NOX4: variants seen among roughly 807,000 people sequenced by gnomAD.
NOX4 encodes kidney oxidase-1.
In NOX4, 69 loss-of-function variants were observed where a neutral mutation model predicts 87.6. The observed-to-expected ratio is 0.79, with a 90% confidence interval of 0.65 to 0.96. The LOEUF (loss-of-function observed/expected upper bound fraction) is 0.96. Among genes scored for constraint, NOX4 ranks in the 40% least tolerant of loss-of-function variants. The probability of loss-of-function intolerance (pLI) is 0.00; values close to 1 mark genes in which losing one functional copy is unlikely to be tolerated. For synonymous variants in NOX4, 275 were observed against 238.2 expected, an observed-to-expected ratio of 1.15 and a Z score of -1.42; for missense variants, 680 against 681.5, an observed-to-expected ratio of 1.00 and a Z score of 0.02.
At chr11:89,370,249 A>T (rs1939344336) in intron 12 of NOX4, among the ~76,000 whole-genome samples, 1 of 152,004 alleles carries the variant, frequency 6.6e-6, no homozygotes, top group Non-Finnish European at 1.5e-5. Context: ...TATACCCAAG[A>T]TTCATAGAAA....
At chr11:89,577,055 C>T in the NOX4 span, 1 of 151,930 alleles carries the variant, frequency 6.6e-6, no homozygotes, top group East Asian at 1.9e-4. Flanking sequence ...ATCCTTTTAC[C>T]TGTTAAGGGT....
At chr11:89,407,201 G>T (rs1591145347) in intron 8 of NOX4, among the ~76,000 whole-genome samples, 1 of 152,178 alleles carries the variant, frequency 6.6e-6, no homozygotes, top group South Asian at 2.1e-4. Flanking sequence ...AGCAAATCAT[G>T]TAGGAATCAA....
chr11:89,521,381 A>G, the NOX4 span, among the ~76,000 whole-genome samples: 102 of 152,170 alleles, frequency 6.7e-4, no homozygotes, highest in African/African-American at 2.3e-3. Flanking sequence ...AAAGCCACCC[A>G]CCTATAGCCA....
rs573102122 is a variant in NOX4 at position 89,357,734 on chromosome 11, T to A, written c.1136-2691A>T. 2.0e-5 allele frequency among the ~76,000 whole-genome samples: 3 copies of A among 152,278 alleles called. No individual in the cohort carries two copies. In the East Asian group the frequency reaches 5.8e-4, roughly 29 times the overall value. ...GTTTAGTGAATTTCTCCCAAACTTGTTAAAAGCAAACAAAATTCGGAATTC... is the reference window on the plus strand; with the variant it reads ...GTTTAGTGAATTTCTCCCAAACTTGATAAAAGCAAACAAAATTCGGAATTC... On this transcript the variant is annotated intron_variant, in intron 12 of 17. Transcript: ENST00000263317.
intron 11 of NOX4, among the ~76,000 whole-genome samples, chr11:89,392,036 C>A (rs1941170705): frequency 6.6e-6 from 1 of 151,222 alleles, no homozygotes; most frequent in South Asian, 2.1e-4. Context: ...TTCCAGAGAA[C>A]AATCTTTCTT....
intron 6 of NOX4, among the ~76,000 whole-genome samples, chr11:89,433,108 G>T (rs1318293283): frequency 6.6e-6 from 1 of 152,056 alleles, no homozygotes; most frequent in African/African-American, 2.4e-5. Flanking sequence ...TAAAGTAAAA[G>T]TGATCAGATC....
At chr11:89,356,643 C>A (rs1483490936) in intron 12 of NOX4, among the ~76,000 whole-genome samples, 1 of 152,062 alleles carries the variant, frequency 6.6e-6, no homozygotes. Context: ...CTGTACACTC[C>A]CAGTACAACT....
Position 89,423,764 on chromosome 11 carries a change from A to G in NOX4, c.549-1782T>C, listed in dbSNP as rs142947897. The stretch of plus-strand genomic sequence containing the variant: ...CAACACTCCTTAAAAATATATATAT[A>G]TATTGAGGGGTCAGGCATGGTGGCT... On this transcript the variant is annotated intron_variant, in intron 7 of 17. Coordinates refer to ENST00000263317, the MANE Select transcript of NOX4 (RefSeq NM_016931.5). Among the ~76,000 whole-genome samples the G allele has an allele frequency of 6.2e-3, 936 of 152,040 alleles. 8 individuals carry two copies. Among genetic ancestry groups the G allele is most frequent in the African/African-American group, 0.022 (902 of 41,512 alleles).
At chr11:89,491,550 G>T (rs2289123), upstream of NOX4, 268,315 of 396,996 alleles carry the variant, frequency 0.68, 96,286 homozygotes, top group Non-Finnish European at 0.77. Flanking sequence ...CCGCCGCGCC[G>T]GCCCCTTTGT....
the NOX4 span, among the ~76,000 whole-genome samples, chr11:89,532,211 C>T: frequency 6.6e-6 from 1 of 152,170 alleles, no homozygotes; most frequent in Non-Finnish European, 1.5e-5. Flanking sequence ...GATAGATTTA[C>T]TGACAGTTTA....
intron 11 of NOX4, among the ~76,000 whole-genome samples, chr11:89,394,448 A>C (rs1941336934): frequency 6.6e-6 from 1 of 152,104 alleles, no homozygotes; most frequent in Non-Finnish European, 1.5e-5. Flanking sequence ...TATGGTGAAG[A>C]AATGATTTTC....
chr11:89,580,405 C>A, the NOX4 span, among the ~76,000 whole-genome samples: 857 of 152,196 alleles, frequency 5.6e-3, 7 homozygotes, highest in African/African-American at 0.02. Flanking sequence ...TAGTCTCGAA[C>A]TTGTGCATGC....
chr11:89,506,576 T>C, the NOX4 span, among the ~76,000 whole-genome samples: 1 of 151,566 alleles, frequency 6.6e-6, no homozygotes, highest in Non-Finnish European at 1.5e-5. Flanking sequence ...AAAGGAAAAA[T>C]TGATGTTAGA....
chr11:89,473,474 A>T (rs921143640), intron 2 of NOX4, among the ~76,000 whole-genome samples: 2 of 152,064 alleles, frequency 1.3e-5, no homozygotes, highest in African/African-American at 4.8e-5. Flanking sequence ...CAAAAAAAAA[A>T]ATGAGAGAAA....
chr11:89,488,901 G>T (rs1591375084), intron 2 of NOX4: 1 of 652,408 alleles, frequency 1.5e-6, no homozygotes, highest in Non-Finnish European at 2.7e-6. Flanking sequence ...TTTATTTGTT[G>T]GTTTTTCCAT....
chr11:89,411,201 G>A (rs1358435782), intron 8 of NOX4, among the ~76,000 whole-genome samples: 1 of 152,108 alleles, frequency 6.6e-6, no homozygotes, highest in Non-Finnish European at 1.5e-5. Context: ...AGAGCCATTG[G>A]CCCTTGAATA....
chr11:89,446,719 A>C (rs929425607), intron 4 of NOX4, among the ~76,000 whole-genome samples: 78 of 152,248 alleles, frequency 5.1e-4, no homozygotes, highest in Non-Finnish European at 1.1e-3. Context: ...GTTAGTGGGA[A>C]AGGAAAGATA....
At position 89,325,272 on chromosome 11, in the gene NOX4, C is replaced by G. The variant is rs548328356; in HGVS notation, c.*1484G>C. 1.3e-5 allele frequency: 2 copies of G among 151,748 alleles called. No homozygotes were observed. Among genetic ancestry groups the G allele is most frequent in the African/African-American group, 4.8e-5 (2 of 41,306 alleles). 9.4% of individuals were successfully genotyped at this position (151,748 alleles called of 1,614,324 possible). On this transcript the variant is annotated 3_prime_UTR_variant, in exon 18 of 18. Transcript: ENST00000263317. Reference sequence around the variant, plus strand: ...CCGAGTAGTTGGGATTATAGGCACCCGCCACCACACCCGCCTAATATTTGT... The same window carrying G: ...CCGAGTAGTTGGGATTATAGGCACCGGCCACCACACCCGCCTAATATTTGT...
chr11:89,524,342 G>C, the NOX4 span, among the ~76,000 whole-genome samples: 27 of 152,196 alleles, frequency 1.8e-4, no homozygotes, highest in African/African-American at 6.0e-4. Context: ...TATGTAATTA[G>C]TTAAAATAAT....
Sources: gnomAD v4.1 joint callset for allele counts (sites outside exome capture counted in the v4.1 genomes callset) on GRCh38, gnomAD v4.1.1 for gene constraint, MANE v1.5 for transcripts, NCBI Gene and HGNC (gene_info 2026-07-23, HGNC 2026-07-21) for gene names.